GALNT15: variants seen among roughly 807,000 people sequenced by gnomAD.
The protein encoded by GALNT15 is UDP-GalNAc transferase T15.
GALNT15 carries 67 observed loss-of-function variants against 66.8 expected under a neutral mutation model. The ratio of observed to expected loss-of-function variants is 1.00; its 90% confidence interval spans 0.82 to 1.23. The LOEUF (loss-of-function observed/expected upper bound fraction) is 1.23. Among genes scored for constraint, GALNT15 ranks in the 50% most tolerant of loss-of-function variants. GALNT15 has a pLI of 0.00. For synonymous variants in GALNT15, 313 were observed against 311.5 expected, an observed-to-expected ratio of 1.00 and a Z score of -0.05; for missense variants, 827 against 804.3, an observed-to-expected ratio of 1.03 and a Z score of -0.34.
the GALNT15 span, among the ~76,000 whole-genome samples, chr3:16,246,256 C>G: frequency 6.6e-6 from 1 of 152,056 alleles, no homozygotes; most frequent in South Asian, 2.1e-4. Context: ...CAGGGCCATC[C>G]TGAGGGAACT....
chr3:16,205,189 C>T (rs926428424), intron 3 of GALNT15, among the ~76,000 whole-genome samples: 2 of 152,222 alleles, frequency 1.3e-5, no homozygotes, highest in African/African-American at 4.8e-5. Context: ...AATTCAGAGC[C>T]TTCTGCTTCT....
At position 16,204,133 on chromosome 3, in the gene GALNT15, C is replaced by T. The variant is rs534202671; in HGVS notation, c.911+3310C>T. Among the ~76,000 whole-genome samples, 27 of 152,262 alleles carry T rather than the reference C, an allele frequency of 1.8e-4. No individual in the cohort carries two copies. The highest frequency in any genetic ancestry group is 5.8e-4 in the African/African-American group (24 of 41,552). ...CAGCTCTTTCAAAGAGCCGTAGCCTCCTCCACACCCTGGCCAAGGAATTCA... is the reference window on the plus strand; with the variant it reads ...CAGCTCTTTCAAAGAGCCGTAGCCTTCTCCACACCCTGGCCAAGGAATTCA... On this transcript the variant is annotated intron_variant, in intron 3 of 9. Coordinates refer to ENST00000339732, the MANE Select transcript of GALNT15 (RefSeq NM_054110.5). The surrounding 1 kb of genome is among the most constrained non-coding windows in gnomAD (Gnocchi z 4.5).
rs965293073 is a variant in GALNT15, at chr3:16,189,513, CCAGTCAGCA to C, written c.540-6244_540-6236del. ...AGACATGTTCAGACAATACCAGAAG[CCAGTCAGCA>C]CATTTTTACCTGAAAAATAGTAACA... On this transcript the variant is annotated intron_variant, in intron 1 of 9. Coordinates refer to ENST00000339732, the MANE Select transcript of GALNT15 (RefSeq NM_054110.5). This position sits in a 1 kb window ranked among gnomAD's most constrained non-coding sequence, Gnocchi z 5.1. 1.8e-4 allele frequency among the ~76,000 whole-genome samples: 28 copies of C among 152,228 alleles called. 1 individual carries two copies. The highest frequency in any genetic ancestry group is 2.9e-5 in the Non-Finnish European group (2 of 68,044).
In GALNT15 at chr3:16,193,435, C is replaced by T. The variant is rs1422130922; in HGVS notation, c.540-2325C>T. 6.6e-6 allele frequency among the ~76,000 whole-genome samples: 1 copy of T among 152,112 alleles called. No individual in the cohort carries two copies. Among genetic ancestry groups the T allele is most frequent in the Non-Finnish European group, 1.5e-5 (1 of 68,028 alleles). On this transcript the variant is annotated intron_variant, in intron 1 of 9. Transcript: ENST00000339732. This position sits in a 1 kb window ranked among gnomAD's most constrained non-coding sequence, Gnocchi z 4.7. ...TATTTTTTTGTGAGTGGCTTCAAAT[C>T]ATTTATGGAAATAAATAGCTTGTAA...
the GALNT15 span, among the ~76,000 whole-genome samples, chr3:16,245,137 T>C: frequency 2.0e-5 from 3 of 152,270 alleles, no homozygotes; most frequent in Non-Finnish European, 2.9e-5. Context: ...GTCTTTCAGG[T>C]GGATAATTAT....
In GALNT15 at chr3:16,228,568, G is replaced by T; in HGVS notation, c.*1068G>T. 1 of 802,786 alleles carries T rather than the reference G, an allele frequency of 1.2e-6. No homozygotes were observed. Among genetic ancestry groups the T allele is most frequent in the Non-Finnish European group, 1.5e-6 (1 of 665,370 alleles). The allele number at this position is 802,786 out of a possible 1,614,324, so 49.7% of individuals were successfully genotyped here. On this transcript the variant is annotated 3_prime_UTR_variant, in exon 10 of 10. Transcript: ENST00000339732. Reference sequence around the variant, plus strand: ...AGGCAAGAGAATCGCTTGAACCCAGGAGGCAGAGGTTGCAGTGAGCTGAGA... The same window carrying T: ...AGGCAAGAGAATCGCTTGAACCCAGTAGGCAGAGGTTGCAGTGAGCTGAGA...
chr3:16,178,626 C>T (rs938710809), intron 1 of GALNT15, among the ~76,000 whole-genome samples: 1 of 152,154 alleles, frequency 6.6e-6, no homozygotes, highest in Non-Finnish European at 1.5e-5. Context: ...CTGGATTCCT[C>T]GCCTGCATGC....
At position 16,197,123 on chromosome 3, in the gene GALNT15, C is replaced by A. The variant is rs146937256; in HGVS notation, c.706+1197C>A. Among the ~76,000 whole-genome samples, 635 of 152,320 alleles carry A rather than the reference C, an allele frequency of 4.2e-3. 2 individuals are homozygous for A. Among genetic ancestry groups the A allele is most frequent in the Non-Finnish European group, 7.1e-3 (485 of 68,024 alleles). ...AGACTCTCCAAACCCTCAAGTGGGGCGGGGTCCGCCCAAGAGCACACCTGT... is the reference window on the plus strand; with the variant it reads ...AGACTCTCCAAACCCTCAAGTGGGGAGGGGTCCGCCCAAGAGCACACCTGT... On this transcript the variant is annotated intron_variant, in intron 2 of 9. Transcript: ENST00000339732.
At chr3:16,192,398 C>T (rs2063588486) in intron 1 of GALNT15, among the ~76,000 whole-genome samples, 1 of 152,200 alleles carries the variant, frequency 6.6e-6, no homozygotes. Context: ...GGCTCTCTGT[C>T]CCAAACTCCT....
chr3:16,193,494 T>C lies in GALNT15; in HGVS notation c.540-2266T>C, dbSNP rs1425297345. Among the ~76,000 whole-genome samples, 6 of 152,214 alleles carry C rather than the reference T, an allele frequency of 3.9e-5. No homozygotes were observed. The highest frequency in any genetic ancestry group is 7.3e-5 in the Non-Finnish European group (5 of 68,036). Reference sequence around the variant, plus strand: ...ACCAACAAAATAATTAGCTCCTTTATGAGATGTTTATGTGTTTTTAAAAAT... The same window carrying C: ...ACCAACAAAATAATTAGCTCCTTTACGAGATGTTTATGTGTTTTTAAAAAT... On this transcript the variant is annotated intron_variant, in intron 1 of 9. Transcript: ENST00000339732. This position sits in a 1 kb window ranked among gnomAD's most constrained non-coding sequence, Gnocchi z 4.7.
chr3:16,230,513 G>A (rs150239228), downstream of GALNT15, among the ~76,000 whole-genome samples: 11 of 151,932 alleles, frequency 7.2e-5, no homozygotes, highest in Non-Finnish European at 1.2e-4. This position sits in a 1 kb window ranked among gnomAD's most constrained non-coding sequence, Gnocchi z 4.5. Flanking sequence ...GACACCAAGT[G>A]ATCTGTGACC....
rs2063740913 is a variant in GALNT15, at chr3:16,204,921, CTGAG to C, written c.912-3579_912-3576del. 6.6e-6 allele frequency among the ~76,000 whole-genome samples: 1 copy of C among 152,254 alleles called. No homozygotes were observed. Among genetic ancestry groups the C allele is most frequent in the Non-Finnish European group, 1.5e-5 (1 of 68,022 alleles). Reference sequence around the variant, plus strand: ...TGTGTGTGTGTAAGCATGTGAGAGTCTGAGTGTGGGGGGGAGCGAGCATGTGCGT... The same window carrying C: ...TGTGTGTGTGTAAGCATGTGAGAGTCTGTGGGGGGGAGCGAGCATGTGCGT... On this transcript the variant is annotated intron_variant, in intron 3 of 9. Transcript: ENST00000339732. This position sits in a 1 kb window ranked among gnomAD's most constrained non-coding sequence, Gnocchi z 4.5.
chr3:16,235,693 G>T (rs2657584), downstream of GALNT15, among the ~76,000 whole-genome samples: 84,265 of 151,914 alleles, frequency 0.55, 23,548 homozygotes, highest in South Asian at 0.69. Flanking sequence ...TTTTAGTTAA[G>T]ACTTCCATAA....
At chr3:16,177,637 T>G (rs17041958) in intron 1 of GALNT15, among the ~76,000 whole-genome samples, 7,736 of 152,346 alleles carry the variant, frequency 0.051, 312 homozygotes, top group Admixed American at 0.12. Flanking sequence ...GCATGTATTA[T>G]GTGCATGGTT....
rs2064065817 is a variant in GALNT15, at chr3:16,229,906, T to C, written c.*2406T>C. Among the ~76,000 whole-genome samples the C allele has an allele frequency of 1.3e-5, 2 of 152,222 alleles. No individual in the cohort carries two copies. Among genetic ancestry groups the C allele is most frequent in the African/African-American group, 4.8e-5 (2 of 41,460 alleles). On this transcript the variant is annotated 3_prime_UTR_variant, in exon 10 of 10. Transcript: ENST00000339732. ...GTCAACTCAGTCCCTGGCTGGTATT[T>C]ACAGACCCTTAATTTAAGTAAAACA...
Position 16,227,472 on chromosome 3 carries a change from A to G in GALNT15, c.1892A>G (p.Asp631Gly), listed in dbSNP as rs754109681. 1 of 1,614,186 alleles carries G rather than the reference A, an allele frequency of 6.2e-7. No individual in the cohort carries two copies. Among genetic ancestry groups the G allele is most frequent in the South Asian group, 1.1e-5 (1 of 91,086 alleles). ...AAAGCCCGCCAGCAGTGGCGTTTTGACCAGATCAATGCTGTGGATGAACGA... is the reference window on the plus strand; with the variant it reads ...AAAGCCCGCCAGCAGTGGCGTTTTGGCCAGATCAATGCTGTGGATGAACGA... ...DGKARQQWRF[D>G]QINAVDER is the part of the protein sequence containing the mutation. Residue 631 changes from aspartate (D) to glycine (G), a missense_variant, in exon 10 of 10, where the codon GAC becomes GGC. By Grantham distance (94) the Asp-to-Gly change is moderately conservative. Transcript: ENST00000339732. The surrounding 1 kb of genome is among the most constrained non-coding windows in gnomAD (Gnocchi z 4.5).
rs1274076659 is a variant in GALNT15, at chr3:16,180,366, C to T, written c.539+4676C>T. ...TAAAATGCAGTCAAATTCAGCAGGT[C>T]AGGAGGGCAGCCTCAGATGCTCCAT... On this transcript the variant is annotated intron_variant, in intron 1 of 9. Transcript: ENST00000339732. This position sits in a 1 kb window ranked among gnomAD's most constrained non-coding sequence, Gnocchi z 5.0. Among the ~76,000 whole-genome samples, 1 of 152,228 alleles carries T rather than the reference C, an allele frequency of 6.6e-6. No individual in the cohort carries two copies. Among genetic ancestry groups the T allele is most frequent in the African/African-American group, 2.4e-5 (1 of 41,474 alleles).
rs1203013808 is a variant in GALNT15 at position 16,175,235 on chromosome 3, G to C, written c.84G>C (p.Met28Ile). 1.1e-5 allele frequency: 18 copies of C among 1,614,070 alleles called. No individual in the cohort carries two copies. The highest frequency in any genetic ancestry group is 1.5e-5 in the Non-Finnish European group (18 of 1,180,050). The stretch of plus-strand genomic sequence containing the variant: ...TCCTGATGCTGGGATGCGTCCTGAT[G>C]ATGGTGGCGATGTTGCACCCTCCCC... ...LLLLMLGCVLMMVAMLHPPHH... is the reference protein window; with the variant it reads ...LLLLMLGCVLIMVAMLHPPHH... Residue 28 changes from methionine to isoleucine, a missense_variant, in exon 1 of 10, where the codon ATG (methionine) becomes ATC (isoleucine). Physicochemically the swap from Met to Ile is conservative, Grantham distance 10. Coordinates refer to ENST00000339732, the MANE Select transcript of GALNT15 (RefSeq NM_054110.5). The surrounding 1 kb of genome is among the most constrained non-coding windows in gnomAD (Gnocchi z 5.6).
intron 3 of GALNT15, among the ~76,000 whole-genome samples, chr3:16,202,062 TATAAG>T (rs2063709231): frequency 6.6e-6 from 1 of 152,172 alleles, no homozygotes; most frequent in South Asian, 2.1e-4. Context: ...ATCAATCAAA[TATAAG>T]AAAAAATTCC....
Sources: gnomAD v4.1 joint callset for allele counts (sites outside exome capture counted in the v4.1 genomes callset) on GRCh38, gnomAD v4.1.1 for gene constraint, Gnocchi (gnomAD v3.1) non-coding constraint, MANE v1.5 for transcripts, NCBI Gene and HGNC (gene_info 2026-07-23, HGNC 2026-07-21) for gene names.